FLNB: variants seen among roughly 807,000 people sequenced by gnomAD.
FLNB encodes the protein filamin-B.
In FLNB, 111 loss-of-function variants were observed where a neutral mutation model predicts 250.6. The ratio of observed to expected loss-of-function variants is 0.44; its 90% CI spans 0.38 to 0.52. FLNB has a LOEUF of 0.52. Among genes scored for constraint, FLNB ranks in the 20% least tolerant of loss-of-function variants. The pLI is 0.00. For missense variants in FLNB, 2,869 were observed against 3,447.8 expected, an observed-to-expected ratio of 0.83 and a Z score of 4.20; for synonymous variants, 1,302 against 1,372.1, an observed-to-expected ratio of 0.95 and a Z score of 1.13.
At chr3:58,034,750 G>T (rs1430803579) in intron 1 of FLNB, among the ~76,000 whole-genome samples, 1 of 152,194 alleles carries the variant, frequency 6.6e-6, no homozygotes, top group East Asian at 1.9e-4. Flanking sequence ...GTTGGACCTG[G>T]AAGTCTCCAG....
chr3:58,146,075 C>T (rs779026396), intron 33 of FLNB, 26 bp downstream of exon 33: 10 of 1,613,736 alleles, frequency 6.2e-6, no homozygotes, highest in Admixed American at 1.7e-5. Flanking sequence ...CGTGTTTATA[C>T]GCCTCCAGCT....
At chr3:58,040,940 T>A (rs976324929) in intron 1 of FLNB, among the ~76,000 whole-genome samples, 1 of 152,240 alleles carries the variant, frequency 6.6e-6, no homozygotes, top group Non-Finnish European at 1.5e-5. Flanking sequence ...TTCTTAAAGT[T>A]TGATCATTAT....
Position 58,132,936 on chromosome 3 carries a change from G to A in FLNB, c.4514+5G>A, listed in dbSNP as rs748428131. 2 of 1,611,180 alleles carry A rather than the reference G, an allele frequency of 1.2e-6. 1 individual carries two copies. The highest frequency in any genetic ancestry group is 2.2e-5 in the South Asian group (2 of 90,138). On this transcript the variant is annotated splice_donor_5th_base_variant and intron_variant, in intron 26 of 45. Transcript: ENST00000295956. ...TGATGAAGAGATTCCTCGCAGGTAAGCTCCATCCATCTGCCCATCCATTCC... is the reference window on the plus strand; with the variant it reads ...TGATGAAGAGATTCCTCGCAGGTAAACTCCATCCATCTGCCCATCCATTCC...
rs1191305141 is a variant in FLNB, at chr3:58,116,709, G to T, written c.2746-2163G>T. On this transcript the variant is annotated intron_variant, in intron 18 of 45. Coordinates refer to ENST00000295956, the MANE Select transcript of FLNB (RefSeq NM_001457.4). Reference sequence around the variant, plus strand: ...AGACTCGGTTTTATAGAAGGGAAGTGATTTCCCTGAGGACTTTGGTCTTCT... The same window carrying T: ...AGACTCGGTTTTATAGAAGGGAAGTTATTTCCCTGAGGACTTTGGTCTTCT... Among the ~76,000 whole-genome samples, 5 of 152,312 alleles carry T rather than the reference G, an allele frequency of 3.3e-5. No homozygotes were observed. In the South Asian group the frequency reaches 6.2e-4, roughly 19 times the overall value.
At chr3:58,144,852 T>C (rs572422461) in intron 32 of FLNB, among the ~76,000 whole-genome samples, 3 of 152,252 alleles carry the variant, frequency 2.0e-5, no homozygotes, top group African/African-American at 7.2e-5. Flanking sequence ...ATTTCTCTTG[T>C]GAATGAGACC....
intron 1 of FLNB, among the ~76,000 whole-genome samples, chr3:58,049,110 A>G (rs2097158392): frequency 6.6e-6 from 1 of 152,262 alleles, no homozygotes; most frequent in Admixed American, 6.5e-5. Flanking sequence ...GTATGTTCCA[A>G]GTGTGGCAGA....
At chr3:58,050,673 C>G (rs2097160956) in intron 1 of FLNB, among the ~76,000 whole-genome samples, 1 of 152,182 alleles carries the variant, frequency 6.6e-6, no homozygotes, top group Non-Finnish European at 1.5e-5. Flanking sequence ...TTCTGAAACC[C>G]TGGCCTCCAT....
At chr3:58,053,731 G>T (rs7620995) in intron 1 of FLNB, among the ~76,000 whole-genome samples, 2 of 152,018 alleles carry the variant, frequency 1.3e-5, no homozygotes, top group African/African-American at 4.8e-5. Flanking sequence ...CAAAGTGCTG[G>T]GATTACAGAC....
At chr3:58,043,883 C>T (rs9829566) in intron 1 of FLNB, among the ~76,000 whole-genome samples, 6,207 of 152,242 alleles carry the variant, frequency 0.041, 404 homozygotes, top group African/African-American at 0.14. Context: ...TAATGAACCA[C>T]GGGTTCACAG....
chr3:58,135,853 T>TTGTATTAAGCATC, intron 27 of FLNB, 126 bp from the exon 28 acceptor site: 1 of 981,270 alleles, frequency 1.0e-6, no homozygotes, highest in South Asian at 1.5e-5. Context: ...CAAAACTAGA[T>TTGTATTAAGCATC]TGTATTAAGC....
chr3:58,100,528 T>G (rs538592721), intron 8 of FLNB, among the ~76,000 whole-genome samples: 182 of 150,506 alleles, frequency 1.2e-3, no homozygotes, highest in East Asian at 0.01. Context: ...TAGCTAAGAC[T>G]GTAGATGTGC....
In FLNB at chr3:58,027,139, C is replaced by T. The variant is rs565826055; in HGVS notation, c.292+18283C>T. ...AGATTGCAGGTCCCAGGCAGATGTC[C>T]GGACTTAGACTCTGGCTCTTTTTTT... is the stretch of plus-strand genomic sequence containing the variant. On this transcript the variant is annotated intron_variant, in intron 1 of 45. Coordinates refer to ENST00000295956, the MANE Select transcript of FLNB (RefSeq NM_001457.4). Among the ~76,000 whole-genome samples the T allele has an allele frequency of 2.2e-4, 34 of 151,916 alleles. No individual in the cohort carries two copies. The South Asian group carries it at 6.2e-3, about 28-fold the overall frequency.
chr3:58,067,954 G>A (rs1264491536), intron 1 of FLNB, among the ~76,000 whole-genome samples: 1 of 152,160 alleles, frequency 6.6e-6, no homozygotes, highest in Non-Finnish European at 1.5e-5. Context: ...TCTTCAGGTT[G>A]GCAGGGCATC....
At chr3:58,111,732 C>T in intron 16 of FLNB, 59 bp from the exon 17 acceptor site, 1 of 1,291,822 alleles carries the variant, frequency 7.7e-7, no homozygotes, top group Non-Finnish European at 1.1e-6. Context: ...GTTGAAGGCT[C>T]CCTGAGCTCT....
intron 4 of FLNB, among the ~76,000 whole-genome samples, chr3:58,090,055 C>T (rs2097223929): frequency 6.6e-6 from 1 of 152,112 alleles, no homozygotes; most frequent in Non-Finnish European, 1.5e-5. Context: ...CTTAGGTGAT[C>T]CAAAGTGCTG....
At chr3:58,064,961 G>T (rs1308753739) in intron 1 of FLNB, among the ~76,000 whole-genome samples, 1 of 152,162 alleles carries the variant, frequency 6.6e-6, no homozygotes, top group Non-Finnish European at 1.5e-5. Flanking sequence ...GATTGCTTGA[G>T]ACTTGGAGGT....
In FLNB at chr3:58,164,349, G is replaced by A. The variant is rs1364807959; in HGVS notation, c.7198+1019G>A. On this transcript the variant is annotated intron_variant, in intron 43 of 45. Coordinates refer to ENST00000295956, the MANE Select transcript of FLNB (RefSeq NM_001457.4). The surrounding 1 kb of genome is among the most constrained non-coding windows in gnomAD (Gnocchi z 4.0). Reference sequence around the variant, plus strand: ...GAGAGTCAGTCCTTAGTCTTTGCAGGGGAAGTGCGCAGTGTGGACTCACTG... The same window carrying A: ...GAGAGTCAGTCCTTAGTCTTTGCAGAGGAAGTGCGCAGTGTGGACTCACTG... 6.6e-6 allele frequency: 1 copy of A among 152,334 alleles called. No homozygotes were observed. Among genetic ancestry groups the A allele is most frequent in the Non-Finnish European group, 1.5e-5 (1 of 68,136 alleles). The allele number at this position is 152,334 out of a possible 1,614,324, so 9.4% of individuals were successfully genotyped here.
chr3:58,008,624 C>A lies in FLNB; in HGVS notation c.60C>A (p.Asn20Lys). 1 of 1,613,728 alleles carries A rather than the reference C, an allele frequency of 6.2e-7. No homozygotes were observed. The highest frequency in any genetic ancestry group is 8.5e-7 in the Non-Finnish European group (1 of 1,179,856). The change falls in exon 1 of 46, where the codon AAC becomes AAA. Residue 20 changes from asparagine to lysine, a missense_variant. Asn to Lys is a moderately conservative substitution (Grantham distance 94). Around this residue, in one of 5 missense-constraint regions of FLNB, gnomAD observed 308 missense variants for 466.1 expected, o/e 0.66. Coordinates refer to ENST00000295956, the MANE Select transcript of FLNB (RefSeq NM_001457.4). The stretch of plus-strand genomic sequence containing the variant: ...CGCCTTGGAAGAAGATCCAGCAGAA[C>A]ACGTTCACACGCTGGTGCAACGAGC... ...EDAPWKKIQQNTFTRWCNEHL... is the reference protein window; with the variant it reads ...EDAPWKKIQQKTFTRWCNEHL...
chr3:58,143,113 A>G (rs1278489084), intron 31 of FLNB, among the ~76,000 whole-genome samples: 1 of 152,138 alleles, frequency 6.6e-6, no homozygotes, highest in Non-Finnish European at 1.5e-5. Context: ...TGAGTCTGTC[A>G]TACAGGAGTT....
Sources: allele counts gnomAD v4.1 joint callset (sites outside exome capture counted in the v4.1 genomes callset), GRCh38; gene constraint gnomAD v4.1.1; regional missense constraint gnomAD v4.1.1; non-coding constraint Gnocchi (gnomAD v3.1); transcripts MANE v1.5; gene names NCBI Gene and HGNC (gene_info 2026-07-23, HGNC 2026-07-21).